Variants in C2orf78 observed in about 807,000 individuals in gnomAD.
C2orf78 encodes the protein uncharacterized protein C2orf78.
A neutral mutation model predicts 21.4 loss-of-function variants in C2orf78; 12 were observed. That is an observed-to-expected ratio of 0.56 (90% confidence interval 0.36 to 0.91). C2orf78 has a LOEUF of 0.91. Ranked by LOEUF, C2orf78 falls within the 40% of genes least tolerant of loss-of-function variation. The pLI is 0.01. For synonymous variants in C2orf78, 396 were observed against 413.9 expected (o/e 0.96, Z 0.52); for missense variants, 1,042 against 1,092.4 (o/e 0.95, Z 0.65).
exon 3 of C2orf78, chr2:73,815,705 T>C (rs1673178841): frequency 6.2e-7 from 1 of 1,613,464 alleles, no homozygotes; most frequent in Non-Finnish European, 8.5e-7. Context: ...TCATAAAGGG[T>C]CACTCTGATC....
chr2:73,815,087 G>T (rs575223707), exon 3 of C2orf78: 2 of 1,611,868 alleles, frequency 1.2e-6, no homozygotes, highest in African/African-American at 2.7e-5. Flanking sequence ...AAACTTCCCT[G>T]GGGATGGATA....
At chr2:73,816,161 G>T in exon 3 of C2orf78, 1 of 1,613,886 alleles carries the variant, frequency 6.2e-7, no homozygotes, top group Non-Finnish European at 8.5e-7. Flanking sequence ...AGATCGATAT[G>T]AAAACTGGAT....
chr2:73,815,174 C>T (rs1446200073), exon 3 of C2orf78: 1 of 1,613,838 alleles, frequency 6.2e-7, no homozygotes, highest in East Asian at 2.2e-5. Context: ...CCTTCAGTAG[C>T]AGAAATACCC....
chr2:73,810,961 G>T (rs922987646), intron 1 of C2orf78, among the ~76,000 whole-genome samples: 1 of 138,568 alleles, frequency 7.2e-6, no homozygotes, highest in African/African-American at 2.7e-5. Context: ...TAATATACAT[G>T]TATATTTCAT....
intron 1 of C2orf78, among the ~76,000 whole-genome samples, chr2:73,812,167 G>T (rs1488595328): frequency 6.6e-6 from 1 of 151,970 alleles, no homozygotes. Context: ...TCTATTATGG[G>T]CTGTTTCTTG....
At chr2:73,810,126 G>A (rs1673048733) in intron 1 of C2orf78, among the ~76,000 whole-genome samples, 2 of 152,166 alleles carry the variant, frequency 1.3e-5, no homozygotes, top group African/African-American at 4.8e-5. Context: ...GGCTAGAATA[G>A]AGTATCCCTA....
At chr2:73,809,594 TG>T (rs1673030532) in intron 1 of C2orf78, among the ~76,000 whole-genome samples, 1 of 152,016 alleles carries the variant, frequency 6.6e-6, no homozygotes, top group Non-Finnish European at 1.5e-5. Context: ...CCGGCCAGTC[TG>T]GGCAACATGG....
chr2:73,810,520 T>A (rs1673057802), intron 1 of C2orf78, among the ~76,000 whole-genome samples: 1 of 132,826 alleles, frequency 7.5e-6, no homozygotes, highest in South Asian at 2.5e-4. Context: ...AGAGCGAAAC[T>A]CTGTCTCAAA....
exon 3 of C2orf78, chr2:73,816,202 G>A: frequency 6.2e-7 from 1 of 1,613,870 alleles, no homozygotes; most frequent in Non-Finnish European, 8.5e-7. Context: ...GGAAGCTCAA[G>A]CAACACCCAA....
At chr2:73,814,256 A>T (rs1344649867) in intron 2 of C2orf78, 30 bp downstream of exon 2, 1 of 1,527,334 alleles carries the variant, frequency 6.5e-7, no homozygotes, top group African/African-American at 1.4e-5. Flanking sequence ...AAGGAGAGGA[A>T]TAATGTCAGC....
intron 1 of C2orf78, among the ~76,000 whole-genome samples, chr2:73,811,608 A>G (rs1206201484): frequency 6.6e-6 from 1 of 152,204 alleles, no homozygotes; most frequent in Non-Finnish European, 1.5e-5. Flanking sequence ...GTCAAGCCAC[A>G]TATCAGCCAC....
At chr2:73,809,655 G>A (rs570550597) in intron 1 of C2orf78, among the ~76,000 whole-genome samples, 1 of 152,052 alleles carries the variant, frequency 6.6e-6, no homozygotes, top group Non-Finnish European at 1.5e-5. Flanking sequence ...AGGGTTGGGG[G>A]TGTGCCAGCT....
chr2:73,809,000 G>A (rs1673016489), intron 1 of C2orf78: 1 of 561,942 alleles, frequency 1.8e-6, no homozygotes, highest in Non-Finnish European at 3.1e-6. Flanking sequence ...TGGAATAACA[G>A]GGAAAGTATT....
chr2:73,816,932 G>A, exon 3 of C2orf78: 1 of 1,612,298 alleles, frequency 6.2e-7, no homozygotes, highest in Non-Finnish European at 8.5e-7. Context: ...GGAAAGTGCA[G>A]TTTTTCATTG....
chr2:73,785,861 A>G (rs533045955), intron 1 of C2orf78, among the ~76,000 whole-genome samples: 25 of 152,110 alleles, frequency 1.6e-4, no homozygotes, highest in Admixed American at 1.4e-3. Flanking sequence ...AGCCTGACCA[A>G]CAAGGAGAAA....
Position 73,808,123 on chromosome 2 carries a change from A to G in C2orf78, c.98-5354A>G, listed in dbSNP as rs180993583. The stretch of plus-strand genomic sequence containing the variant: ...CAAAAAATTAGCCGGCTGAAGTGGC[A>G]GGCGCCTGTAGTCCCAGCTACTAAG... On this transcript the variant is annotated intron_variant, in intron 1 of 2. Coordinates refer to ENST00000409561, the Ensembl canonical transcript of C2orf78. Among the ~76,000 whole-genome samples the G allele has an allele frequency of 4.0e-3, 598 of 150,998 alleles. 37 individuals are homozygous for G. Among genetic ancestry groups the G allele is most frequent in the African/African-American group, 0.014 (572 of 40,378 alleles).
exon 2 of C2orf78, chr2:73,814,168 T>C (rs1185979068): frequency 6.2e-7 from 1 of 1,608,120 alleles, no homozygotes; most frequent in Admixed American, 1.7e-5. Flanking sequence ...CACCAGTCTC[T>C]ACTTCTGGGA....
chr2:73,810,800 A>G (rs1673071877), intron 1 of C2orf78, among the ~76,000 whole-genome samples: 1 of 82,778 alleles, frequency 1.2e-5, no homozygotes, highest in Admixed American at 1.4e-4. Context: ...TTTTATATAT[A>G]TAATATACAT....
At chr2:73,813,368 G>C in intron 1 of C2orf78, 109 bp from the exon 2 acceptor site, 2 of 1,131,296 alleles carry the variant, frequency 1.8e-6, no homozygotes, top group Non-Finnish European at 2.4e-6. Context: ...GTGAGTATTG[G>C]TATTAGAGGC....
Sources: gnomAD v4.1 joint callset for allele counts (sites outside exome capture counted in the v4.1 genomes callset) on GRCh38, gnomAD v4.1.1 for gene constraint, MANE v1.5 for transcripts, NCBI Gene and HGNC (gene_info 2026-07-23, HGNC 2026-07-21) for gene names.